Variants in CACNA1E observed in about 807,000 individuals in gnomAD.
The protein encoded by CACNA1E is voltage-dependent R-type calcium channel subunit alpha-1E.
CACNA1E carries 40 observed loss-of-function variants against 259.2 expected under a neutral mutation model. The ratio of observed to expected loss-of-function variants is 0.15; its 90% CI spans 0.12 to 0.20. The LOEUF is 0.20. CACNA1E is among the 10% of genes least tolerant of loss of function. The pLI, the probability that CACNA1E is intolerant of heterozygous loss-of-function variation, is 1.00. For missense variants in CACNA1E, 1,874 were observed against 3,040.1 expected, an observed-to-expected ratio of 0.62 and a Z score of 9.02; for synonymous variants, 1,104 against 1,138.5, an observed-to-expected ratio of 0.97 and a Z score of 0.61.
intron 1 of CACNA1E, among the ~76,000 whole-genome samples, chr1:181,318,579 G>A (rs1461016353): frequency 2.0e-5 from 3 of 152,190 alleles, no homozygotes; most frequent in Non-Finnish European, 4.4e-5. Flanking sequence ...GGGGCCTCTG[G>A]CCGCCCTTCC....
chr1:181,442,546 T>C (rs1660568045), intron 2 of CACNA1E, among the ~76,000 whole-genome samples: 1 of 152,254 alleles, frequency 6.6e-6, no homozygotes, highest in Admixed American at 6.5e-5. Context: ...TTTCCAGCTG[T>C]TACAAAGTGC....
At chr1:181,629,020 G>C (rs560630159) in intron 6 of CACNA1E, among the ~76,000 whole-genome samples, 5 of 152,200 alleles carry the variant, frequency 3.3e-5, no homozygotes, top group Non-Finnish European at 5.9e-5. Context: ...AACAATTACC[G>C]TAGGAAATGG....
chr1:181,771,403 G>A lies in CACNA1E; in HGVS notation c.4973+19G>A, dbSNP rs1160915531. 1.5e-6 allele frequency: 2 copies of A among 1,359,668 alleles called. No individual in the cohort carries two copies. Among genetic ancestry groups the A allele is most frequent in the African/African-American group, 1.4e-5 (1 of 69,962 alleles). 84.2% of individuals were successfully genotyped at this position (1,359,668 alleles called of 1,614,324 possible). A position where few individuals can be genotyped will look rare whatever the true frequency, so the allele number is the denominator to read the frequency against. The stretch of plus-strand genomic sequence containing the variant: ...TCTTCAGGTACCTGGATGCGTAACT[G>A]TCATAGCTGGGGTTCTCCTGATGGA... On this transcript the variant is annotated intron_variant, in intron 36 of 47. Transcript: ENST00000367573.
At position 181,621,091 on chromosome 1, in the gene CACNA1E, G is replaced by A. The variant is rs149819898; in HGVS notation, c.952-30247G>A. On this transcript the variant is annotated intron_variant, in intron 6 of 47. Transcript: ENST00000367573. ...TCTACTTATTTAGGAAATATTTATC[G>A]TCTGGCATCATTGAGATCACACTGA... Among the ~76,000 whole-genome samples, 629 of 152,290 alleles carry A rather than the reference G, an allele frequency of 4.1e-3. 3 individuals are homozygous for A. The highest frequency in any genetic ancestry group is 5.9e-3 in the Non-Finnish European group (404 of 68,032).
intron 1 of CACNA1E, among the ~76,000 whole-genome samples, chr1:181,356,805 G>A (rs1386437799): frequency 2.0e-5 from 3 of 152,164 alleles, no homozygotes; most frequent in African/African-American, 4.8e-5. Flanking sequence ...GAGGTGCAGG[G>A]AGGTTAGCTT....
chr1:181,794,934 G>C lies in CACNA1E; in HGVS notation c.6098G>C (p.Trp2033Ser), dbSNP rs780231740. ...TIRDKRSNSSWLEEFSMERSS... is the reference protein window; with the variant it reads ...TIRDKRSNSSSLEEFSMERSS... ...CGGGATAAGCGTTCAAATTCCTCGT[G>C]GTTGGAGGAATTCTCCATGGAGCGA... is the stretch of plus-strand genomic sequence containing the variant. The change falls in exon 46 of 48, where the codon TGG becomes TCG. Residue 2033 changes from tryptophan to serine, a missense_variant. By Grantham distance (177) the Trp-to-Ser change is radical. Around this residue, in one of 14 missense-constraint regions of CACNA1E, gnomAD observed 542 missense variants for 587.2 expected, o/e 0.92. Transcript: ENST00000367573. 2 of 1,613,726 alleles carry C rather than the reference G, an allele frequency of 1.2e-6. No individual in the cohort carries two copies. The highest frequency in any genetic ancestry group is 1.7e-6 in the Non-Finnish European group (2 of 1,179,660).
At chr1:181,634,658 A>T (rs1032849035) in intron 6 of CACNA1E, among the ~76,000 whole-genome samples, 5 of 152,130 alleles carry the variant, frequency 3.3e-5, no homozygotes, top group African/African-American at 1.2e-4. Flanking sequence ...GAGGCCAATT[A>T]TGTGTATGCT....
chr1:181,749,979 T>A (rs1318653107), intron 25 of CACNA1E, among the ~76,000 whole-genome samples: 1 of 152,266 alleles, frequency 6.6e-6, no homozygotes, highest in East Asian at 1.9e-4. Flanking sequence ...CCTCTTTAGA[T>A]GAAACCCTTT....
At position 181,715,319 on chromosome 1, in the gene CACNA1E, A is replaced by G. The variant is rs758655123; in HGVS notation, c.1172-19A>G. The G allele has an allele frequency of 5.2e-6, 8 of 1,536,624 alleles. No homozygotes were observed. The East Asian group carries it at 1.4e-4, about 26-fold the overall frequency. ...TTGGCATTTACAGATAATTTACCAAACCATTTGTTTCCATATAGAGGAAGT... is the reference window on the plus strand; with the variant it reads ...TTGGCATTTACAGATAATTTACCAAGCCATTTGTTTCCATATAGAGGAAGT... On this transcript the variant is annotated intron_variant, in intron 8 of 47. Coordinates refer to ENST00000367573, the MANE Select transcript of CACNA1E (RefSeq NM_001205293.3).
At chr1:181,690,950 T>C (rs1651092022) in intron 7 of CACNA1E, among the ~76,000 whole-genome samples, 1 of 152,138 alleles carries the variant, frequency 6.6e-6, no homozygotes, top group South Asian at 2.1e-4. Flanking sequence ...ACTCTAATGG[T>C]GCTAGTTATG....
rs74342664 is a variant in CACNA1E, at chr1:181,783,599, C to T, written c.5365-80C>T. On this transcript the variant is annotated intron_variant, in intron 39 of 47. Coordinates refer to ENST00000367573, the MANE Select transcript of CACNA1E (RefSeq NM_001205293.3). ...TTTTCGTCTGTGCATTTGACCTCTA[C>T]CCTTTTCTTCCTTTCTCACTGAGAT... 46,420 of 787,476 alleles carry T rather than the reference C, an allele frequency of 0.059. 1,744 individuals carry two copies. The highest frequency in any genetic ancestry group is 0.098 in the South Asian group (6,153 of 62,682). The allele number at this position is 787,476 out of a possible 1,614,324, so 48.8% of individuals were successfully genotyped here. A position where few individuals can be genotyped will look rare whatever the true frequency, so the allele number is the denominator to read the frequency against.
chr1:181,361,239 C>T (rs1400655985), intron 1 of CACNA1E, among the ~76,000 whole-genome samples: 1 of 152,204 alleles, frequency 6.6e-6, no homozygotes, highest in African/African-American at 2.4e-5. Flanking sequence ...CTGTGTCTTC[C>T]TTCCCTGAGG....
intron 3 of CACNA1E, among the ~76,000 whole-genome samples, chr1:181,518,070 G>A (rs1440328474): frequency 6.6e-6 from 1 of 152,116 alleles, no homozygotes; most frequent in African/African-American, 2.4e-5. Context: ...GGATGCAGAT[G>A]GGGAGCAAGG....
chr1:181,599,107 C>T (rs111232728), intron 6 of CACNA1E, among the ~76,000 whole-genome samples: 2 of 151,850 alleles, frequency 1.3e-5, no homozygotes, highest in Admixed American at 6.6e-5. Context: ...GCCTCTCCCC[C>T]CTCCCCACTC....
intron 6 of CACNA1E, among the ~76,000 whole-genome samples, chr1:181,648,512 T>C (rs1658485584): frequency 6.6e-6 from 1 of 152,214 alleles, no homozygotes; most frequent in African/African-American, 2.4e-5. Flanking sequence ...TATGAAATGG[T>C]GGAATAAACA....
intron 2 of CACNA1E, among the ~76,000 whole-genome samples, chr1:181,440,536 T>C (rs543955327): frequency 2.6e-5 from 4 of 152,200 alleles, no homozygotes; most frequent in African/African-American, 9.6e-5. Flanking sequence ...TGGTCTGTGT[T>C]TGAACCTGCA....
At chr1:181,773,200 A>G (rs1253296645) in intron 37 of CACNA1E, among the ~76,000 whole-genome samples, 1 of 152,186 alleles carries the variant, frequency 6.6e-6, no homozygotes, top group Non-Finnish European at 1.5e-5. Flanking sequence ...AACTTCCCAC[A>G]TGTCCAGCTC....
chr1:181,519,740 C>A (rs1240510616), intron 3 of CACNA1E, among the ~76,000 whole-genome samples: 1 of 152,150 alleles, frequency 6.6e-6, no homozygotes, highest in East Asian at 1.9e-4. Context: ...CGATGAGAAT[C>A]TGCTGCTTCT....
chr1:181,334,380 C>T (rs1470858796), intron 1 of CACNA1E, among the ~76,000 whole-genome samples: 2 of 152,202 alleles, frequency 1.3e-5, no homozygotes, highest in Non-Finnish European at 2.9e-5. Context: ...ATATAGATGA[C>T]TTCTAAACAT....
Sources: allele counts gnomAD v4.1 joint callset (sites outside exome capture counted in the v4.1 genomes callset), GRCh38; gene constraint gnomAD v4.1.1; regional missense constraint gnomAD v4.1.1; transcripts MANE v1.5; gene names NCBI Gene and HGNC (gene_info 2026-07-23, HGNC 2026-07-21).